Variants in TRHDE observed in about 807,000 individuals in gnomAD.
TRHDE encodes the protein thyrotropin releasing hormone degrading enzyme.
TRHDE carries 72 observed loss-of-function variants against 125.7 expected under a neutral mutation model. That is an observed-to-expected ratio of 0.57 (90% CI 0.47 to 0.70). The LOEUF (loss-of-function observed/expected upper bound fraction) is 0.70. Among genes scored for constraint, TRHDE ranks in the 30% least tolerant of loss-of-function variants. TRHDE has a pLI of 0.00. For missense variants in TRHDE, 1,110 were observed against 1,327.1 expected (o/e 0.84, Z 2.54); for synonymous variants, 509 against 509.1 (o/e 1.00, Z 0.00).
At chr12:72,114,728 T>C (rs757209655) in intron 2 of TRHDE, among the ~76,000 whole-genome samples, 2 of 151,942 alleles carry the variant, frequency 1.3e-5, no homozygotes, top group Non-Finnish European at 2.9e-5. Flanking sequence ...GGCTTATAGA[T>C]CAAATGTGGG....
intron 5 of TRHDE, among the ~76,000 whole-genome samples, chr12:72,477,706 GA>G (rs147829919): frequency 0.019 from 2,862 of 152,150 alleles, 84 homozygotes; most frequent in African/African-American, 0.066. Context: ...ATTTTAATTT[GA>G]AAAAAGTTTA....
Position 72,366,828 on chromosome 12 carries a change from A to G in TRHDE, c.1189-11167A>G, listed in dbSNP as rs1292567855. On this transcript the variant is annotated intron_variant, in intron 2 of 18. Coordinates refer to ENST00000261180, the MANE Select transcript of TRHDE (RefSeq NM_013381.3). ...ACAGGCCATTAGAGCAACTTTATCA[A>G]TGATAATACTTGGATTTGCCTTATA... Among the ~76,000 whole-genome samples, 4 of 152,036 alleles carry G rather than the reference A, an allele frequency of 2.6e-5. No homozygotes were observed. The South Asian group carries it at 6.2e-4, about 24-fold the overall frequency.
At chr12:72,323,770 G>A (rs533248936) in intron 2 of TRHDE, among the ~76,000 whole-genome samples, 2 of 152,174 alleles carry the variant, frequency 1.3e-5, no homozygotes, top group South Asian at 2.1e-4. Flanking sequence ...CAGTTGTGAT[G>A]TATAGAGAGA....
At chr12:72,509,119 G>A (rs991418614) in intron 6 of TRHDE, among the ~76,000 whole-genome samples, 39 of 152,156 alleles carry the variant, frequency 2.6e-4, no homozygotes, top group African/African-American at 9.4e-4. Flanking sequence ...GTCTGAATCA[G>A]CACCATTTTG....
chr12:72,133,382 A>G (rs142586412), intron 2 of TRHDE, among the ~76,000 whole-genome samples: 45 of 152,328 alleles, frequency 3.0e-4, no homozygotes, highest in African/African-American at 1.1e-3. Context: ...ACAGGAATCA[A>G]CAATGGCTGA....
chr12:72,660,651 A>G (rs11179309), intron 18 of TRHDE, among the ~76,000 whole-genome samples: 33,263 of 152,160 alleles, frequency 0.22, 4,032 homozygotes, highest in East Asian at 0.54. Flanking sequence ...CTAATGATTA[A>G]TAATGTTTAT....
intron 6 of TRHDE, among the ~76,000 whole-genome samples, chr12:72,520,797 G>A (rs531347551): frequency 1.4e-4 from 21 of 152,072 alleles, no homozygotes; most frequent in African/African-American, 4.1e-4. Context: ...TAAGGTTCAC[G>A]CATCAACATA....
At position 72,470,863 on chromosome 12, in the gene TRHDE, C is replaced by CTT. The variant is rs768937293; in HGVS notation, c.1470+981_1470+982dup. Among the ~76,000 whole-genome samples, 544 of 67,950 alleles carry CTT rather than the reference C, an allele frequency of 8.0e-3. 114 individuals are homozygous for CTT. Among genetic ancestry groups the CTT allele is most frequent in the East Asian group, 0.016 (31 of 1,920 alleles). 44.6% of individuals were successfully genotyped at this position (67,950 alleles called of 152,430 possible). A position where few individuals can be genotyped will look rare whatever the true frequency, so the allele number is the denominator to read the frequency against. The stretch of plus-strand genomic sequence containing the variant: ...GACGACCGTTCTATGTAAATGTCAG[C>CTT]TTTTTTTTTTTTTTTTTTTTTTTTT... On this transcript the variant is annotated intron_variant, in intron 4 of 18. Coordinates refer to ENST00000261180, the MANE Select transcript of TRHDE (RefSeq NM_013381.3).
Position 72,568,524 on chromosome 12 carries a change from G to A in TRHDE, c.2043-44G>A, listed in dbSNP as rs547893934. On this transcript the variant is annotated intron_variant, in intron 9 of 18. Coordinates refer to ENST00000261180, the MANE Select transcript of TRHDE (RefSeq NM_013381.3). The stretch of plus-strand genomic sequence containing the variant: ...GGGAAATGTTTTTTGTTTTTGTTTC[G>A]ATATAGTTATTTTTATTCTTAAAGC... 6.6e-5 allele frequency: 94 copies of A among 1,433,768 alleles called. No individual in the cohort carries two copies. The South Asian group carries it at 6.6e-4, about 10-fold the overall frequency. 88.8% of individuals were successfully genotyped at this position (1,433,768 alleles called of 1,614,324 possible). A position where few individuals can be genotyped will look rare whatever the true frequency, so the allele number is the denominator to read the frequency against.
chr12:72,512,418 A>G (rs1228259364), intron 6 of TRHDE, among the ~76,000 whole-genome samples: 1 of 115,228 alleles, frequency 8.7e-6, no homozygotes, highest in Non-Finnish European at 1.6e-5. Flanking sequence ...TTATAACTAT[A>G]TAATATATAT....
chr12:72,620,212 G>C (rs1282628348), intron 13 of TRHDE, among the ~76,000 whole-genome samples: 1 of 151,642 alleles, frequency 6.6e-6, no homozygotes, highest in African/African-American at 2.4e-5. Flanking sequence ...CAGATTCCTT[G>C]TTTTCAGTAA....
At position 72,451,330 on chromosome 12, in the gene TRHDE, TTA is replaced by T. The variant is rs200604211; in HGVS notation, c.1316-18426_1316-18425del. Among the ~76,000 whole-genome samples the T allele has an allele frequency of 5.7e-3, 873 of 152,312 alleles. 7 individuals carry two copies. Among genetic ancestry groups the T allele is most frequent in the Non-Finnish European group, 6.5e-3 (441 of 68,014 alleles). ...GGTATGAGATCAGGGTCTAATTTCATTATTCTGCATGTGGATATTTAGCTTTT... is the reference window on the plus strand; with the variant it reads ...GGTATGAGATCAGGGTCTAATTTCATTTCTGCATGTGGATATTTAGCTTTT... On this transcript the variant is annotated intron_variant, in intron 3 of 18. Transcript: ENST00000261180.
intron 10 of TRHDE, among the ~76,000 whole-genome samples, chr12:72,570,065 A>G (rs1411323059): frequency 6.6e-6 from 1 of 152,180 alleles, no homozygotes; most frequent in Admixed American, 6.5e-5. Flanking sequence ...GAAATAAGGT[A>G]GAATATTTTT....
intron 12 of TRHDE, among the ~76,000 whole-genome samples, chr12:72,591,563 A>G (rs1871682130): frequency 6.6e-6 from 1 of 151,278 alleles, no homozygotes; most frequent in Non-Finnish European, 1.5e-5. Flanking sequence ...AAAAAAGATG[A>G]AAAATAATTT....
chr12:72,603,202 A>T (rs1041981602), intron 12 of TRHDE, among the ~76,000 whole-genome samples: 3 of 152,190 alleles, frequency 2.0e-5, no homozygotes, highest in Non-Finnish European at 4.4e-5. Context: ...GCAGTAAAAA[A>T]TTTTATAGAT....
At chr12:72,461,276 T>C (rs909644842) in intron 3 of TRHDE, among the ~76,000 whole-genome samples, 1 of 152,192 alleles carries the variant, frequency 6.6e-6, no homozygotes, top group African/African-American at 2.4e-5. Flanking sequence ...GACTGACTCC[T>C]AAATTTGGTA....
At chr12:72,127,067 A>C (rs1224505343) in intron 2 of TRHDE, among the ~76,000 whole-genome samples, 1 of 152,222 alleles carries the variant, frequency 6.6e-6, no homozygotes, top group Non-Finnish European at 1.5e-5. Flanking sequence ...AAGAAGACAT[A>C]GAAGCAGCCA....
At chr12:72,570,944 A>G (rs1870696525) in intron 10 of TRHDE, among the ~76,000 whole-genome samples, 1 of 152,148 alleles carries the variant, frequency 6.6e-6, no homozygotes, top group Non-Finnish European at 1.5e-5. Context: ...CACATTTAGA[A>G]TGTTAAAACT....
chr12:72,436,856 T>C (rs984487238), intron 3 of TRHDE, among the ~76,000 whole-genome samples: 5 of 151,928 alleles, frequency 3.3e-5, no homozygotes, highest in African/African-American at 1.2e-4. Context: ...AACAATCTTA[T>C]GAGCTTCATA....
Sources: allele counts gnomAD v4.1 joint callset (sites outside exome capture counted in the v4.1 genomes callset), GRCh38; gene constraint gnomAD v4.1.1; transcripts MANE v1.5; gene names NCBI Gene and HGNC (gene_info 2026-07-23, HGNC 2026-07-21).